NCMAP: variants seen among roughly 807,000 people sequenced by gnomAD.
The protein encoded by NCMAP is non-compact myelin associated protein, also known as noncompact myelin-associated protein.
A neutral mutation model predicts 7.8 loss-of-function variants in NCMAP; 8 were observed. The observed-to-expected ratio is 1.02, with a 90% CI of 0.60 to 1.84. The LOEUF (loss-of-function observed/expected upper bound fraction) is 1.84. NCMAP is among the 40% of genes most tolerant of loss of function. The probability of loss-of-function intolerance (pLI) is 0.00; values close to 1 mark genes in which losing one functional copy is unlikely to be tolerated. For missense variants in NCMAP, 112 were observed against 131.4 expected, an observed-to-expected ratio of 0.85 and a Z score of 0.72; for synonymous variants, 41 against 52.9, an observed-to-expected ratio of 0.78 and a Z score of 0.98.
chr1:24,567,991 C>A (rs6663807), intron 1 of NCMAP, among the ~76,000 whole-genome samples: 2 of 151,866 alleles, frequency 1.3e-5, no homozygotes, highest in Non-Finnish European at 2.9e-5. Context: ...ACGCCCTGGC[C>A]GTATTGGAAT....
intron 2 of NCMAP, among the ~76,000 whole-genome samples, chr1:24,596,284 T>A (rs1306596141): frequency 6.6e-6 from 1 of 150,934 alleles, no homozygotes; most frequent in Non-Finnish European, 1.5e-5. Context: ...AACAAAAAAA[T>A]ATTACTACTA....
chr1:24,584,136 C>T (rs1376724567), intron 1 of NCMAP, among the ~76,000 whole-genome samples: 3 of 152,168 alleles, frequency 2.0e-5, no homozygotes, highest in African/African-American at 4.8e-5. Flanking sequence ...TGTGCCCTCC[C>T]CCCGCCCCAC....
chr1:24,605,656 C>T lies in NCMAP; in HGVS notation c.218C>T (p.Ala73Val), dbSNP rs781366657. 3.7e-6 allele frequency: 6 copies of T among 1,614,208 alleles called. No homozygotes were observed. The highest frequency in any genetic ancestry group is 3.3e-5 in the South Asian group (3 of 91,080). Reference sequence around the variant, plus strand: ...GAGCCCAAGGGCCCCAAGCCAACCGCCCCTTCTGCCGTGGGCCCAAACAGC... The same window carrying T: ...GAGCCCAAGGGCCCCAAGCCAACCGTCCCTTCTGCCGTGGGCCCAAACAGC... ...ELEPKGPKPTAPSAVGPNSNG... is the reference protein window; with the variant it reads ...ELEPKGPKPTVPSAVGPNSNG... Residue 73 changes from alanine to valine, a missense_variant, in exon 4 of 4, where the codon GCC becomes GTC. Transcript: ENST00000374392.
chr1:24,587,504 G>T (rs985598850), intron 1 of NCMAP, among the ~76,000 whole-genome samples: 1 of 152,028 alleles, frequency 6.6e-6, no homozygotes, highest in Admixed American at 6.6e-5. Flanking sequence ...AAGGTCAAAG[G>T]TGCCTTCTTT....
intron 2 of NCMAP, 83 bp downstream of exon 2, chr1:24,595,595 C>A: frequency 3.6e-6 from 4 of 1,119,268 alleles, no homozygotes; most frequent in South Asian, 1.4e-5. Flanking sequence ...AGAGTGTGGG[C>A]TCTGGAGGTG....
At chr1:24,586,913 T>C (rs1331483879) in intron 1 of NCMAP, among the ~76,000 whole-genome samples, 1 of 152,188 alleles carries the variant, frequency 6.6e-6, no homozygotes, top group Non-Finnish European at 1.5e-5. Context: ...TTTCTTTTTA[T>C]CAATCCAGGG....
At chr1:24,559,494 G>T (rs1391794271) in intron 1 of NCMAP, among the ~76,000 whole-genome samples, 3 of 152,226 alleles carry the variant, frequency 2.0e-5, no homozygotes, top group Non-Finnish European at 4.4e-5. Context: ...GGAGCCAGAG[G>T]GGGAGCTGGC....
chr1:24,603,800 A>C lies in NCMAP; in HGVS notation c.168-1806A>C, dbSNP rs929580365. Among the ~76,000 whole-genome samples the C allele has an allele frequency of 2.7e-5, 4 of 150,384 alleles. No homozygotes were observed. In the South Asian group the frequency reaches 8.3e-4, roughly 31 times the overall value. ...ACAATAGAGAAAGAGAAAGTAATAG[A>C]GAGAAAAAAAGCAGATGTGGCAAAT... On this transcript the variant is annotated intron_variant, in intron 3 of 3. Coordinates refer to ENST00000374392, the MANE Select transcript of NCMAP (RefSeq NM_001010980.5).
chr1:24,583,929 C>T (rs963588274), intron 1 of NCMAP, among the ~76,000 whole-genome samples: 65 of 152,130 alleles, frequency 4.3e-4, no homozygotes, highest in African/African-American at 1.5e-3. Context: ...TCTGAGCCTC[C>T]GTTTCCTATC....
At chr1:24,578,415 CT>C (rs1271574512) in intron 1 of NCMAP, among the ~76,000 whole-genome samples, 1 of 136,246 alleles carries the variant, frequency 7.3e-6, no homozygotes, top group Admixed American at 7.8e-5. Flanking sequence ...CACGGAGTTG[CT>C]TCCTAGAGCC....
intron 3 of NCMAP, among the ~76,000 whole-genome samples, chr1:24,601,466 A>C (rs1652485525): frequency 6.6e-6 from 1 of 152,240 alleles, no homozygotes; most frequent in African/African-American, 2.4e-5. Flanking sequence ...TTGATCATAC[A>C]AAAAATAAAT....
At chr1:24,595,115 G>C (rs1652178113) in intron 1 of NCMAP, among the ~76,000 whole-genome samples, 1 of 152,182 alleles carries the variant, frequency 6.6e-6, no homozygotes, top group South Asian at 2.1e-4. Context: ...GATTTCACCA[G>C]TAAAATGGCA....
At chr1:24,579,694 A>G (rs1274987271) in intron 1 of NCMAP, among the ~76,000 whole-genome samples, 3 of 152,214 alleles carry the variant, frequency 2.0e-5, no homozygotes, top group Non-Finnish European at 4.4e-5. Context: ...GCACCACTGC[A>G]CTCCAGCCTG....
intron 1 of NCMAP, among the ~76,000 whole-genome samples, chr1:24,556,971 C>T (rs1040357656): frequency 2.6e-5 from 4 of 152,192 alleles, no homozygotes; most frequent in African/African-American, 9.7e-5. Flanking sequence ...CCACACTTTT[C>T]TCTATGTTTC....
intron 1 of NCMAP, among the ~76,000 whole-genome samples, chr1:24,577,952 G>A (rs1190919505): frequency 6.6e-6 from 1 of 152,044 alleles, no homozygotes; most frequent in Non-Finnish European, 1.5e-5. Context: ...GAATGAATTA[G>A]AAAAGAGGTC....
At chr1:24,577,247 T>C (rs1651588554) in intron 1 of NCMAP, among the ~76,000 whole-genome samples, 1 of 152,088 alleles carries the variant, frequency 6.6e-6, no homozygotes, top group African/African-American at 2.4e-5. Flanking sequence ...TCCCAGAGAA[T>C]TGTCATCCTT....
chr1:24,592,334 G>A (rs1396186385), intron 1 of NCMAP, among the ~76,000 whole-genome samples: 2 of 152,152 alleles, frequency 1.3e-5, no homozygotes, highest in African/African-American at 4.8e-5. Flanking sequence ...GCTTCCCAAG[G>A]CAAGGAGTTC....
At position 24,600,936 on chromosome 1, in the gene NCMAP, G is replaced by A. The variant is rs1368386610; in HGVS notation, c.83-4G>A. 5.6e-6 allele frequency: 9 copies of A among 1,613,786 alleles called. No homozygotes were observed. The highest frequency in any genetic ancestry group is 1.7e-5 in the Admixed American group (1 of 59,996). On this transcript the variant is annotated splice_region_variant and splice_polypyrimidine_tract_variant and intron_variant, in intron 2 of 3. Transcript: ENST00000374392. ...CACGGTCTCTGCTTCTCTCCTTTCTGTAGGTTCTGGAGCCATTGTTGCTGC... is the reference window on the plus strand; with the variant it reads ...CACGGTCTCTGCTTCTCTCCTTTCTATAGGTTCTGGAGCCATTGTTGCTGC...
chr1:24,565,004 C>T (rs1200479018), intron 1 of NCMAP, among the ~76,000 whole-genome samples: 1 of 152,014 alleles, frequency 6.6e-6, no homozygotes, highest in Non-Finnish European at 1.5e-5. Context: ...ACACAAAGAC[C>T]CACATTGAAA....
Sources: gnomAD v4.1 joint callset for allele counts (sites outside exome capture counted in the v4.1 genomes callset) on GRCh38, gnomAD v4.1.1 for gene constraint, MANE v1.5 for transcripts, NCBI Gene and HGNC (gene_info 2026-07-23, HGNC 2026-07-21) for gene names.